Variants in PINX1 observed in about 807,000 individuals in gnomAD.
PINX1 encodes PIN2 (TERF1) interacting telomerase inhibitor 1, also known as PIN2/TERF1-interacting telomerase inhibitor 1.
In PINX1, 34 loss-of-function variants were observed where a neutral mutation model predicts 25.4. The ratio of observed to expected loss-of-function variants is 1.34; its 90% CI spans 1.02 to 1.78. PINX1 has a LOEUF of 1.78. Among genes scored for constraint, PINX1 ranks in the 40% most tolerant of loss-of-function variants. The pLI is 0.00. For synonymous variants in PINX1, 197 were observed against 147.7 expected, an observed-to-expected ratio of 1.33 and a Z score of -2.42; for missense variants, 592 against 404.9, an observed-to-expected ratio of 1.46 and a Z score of -3.97.
intron 5 of PINX1, chr8:10,825,522 G>C (rs1229692600): frequency 1.9e-6 from 1 of 526,562 alleles, no homozygotes; most frequent in East Asian, 5.5e-5. Flanking sequence ...CCTAGTGGCT[G>C]AAGACAACAA....
At chr8:10,793,879 T>C (rs1248179076) in intron 6 of PINX1, among the ~76,000 whole-genome samples, 1 of 152,164 alleles carries the variant, frequency 6.6e-6, no homozygotes, top group Non-Finnish European at 1.5e-5. Context: ...TGTACAGATT[T>C]AACTCAAGAT....
chr8:10,767,555 T>TA (rs898445169), intron 6 of PINX1, among the ~76,000 whole-genome samples: 28 of 152,146 alleles, frequency 1.8e-4, no homozygotes, highest in African/African-American at 6.5e-4. Flanking sequence ...TTGAGAAAAA[T>TA]AAAAAAAATC....
chr8:10,818,255 G>A (rs545836893), intron 6 of PINX1, among the ~76,000 whole-genome samples: 1 of 152,134 alleles, frequency 6.6e-6, no homozygotes, highest in Non-Finnish European at 1.5e-5. Context: ...ACACACACTG[G>A]ACCAAAAGAG....
At chr8:10,787,466 C>T in intron 6 of PINX1, 2 of 177,410 alleles carry the variant, frequency 1.1e-5, no homozygotes, top group Non-Finnish European at 2.4e-5. Context: ...TGGGCTCAAG[C>T]AATCCCGCTT....
chr8:10,839,264 G>A (rs1798497213), intron 1 of PINX1, among the ~76,000 whole-genome samples: 1 of 152,204 alleles, frequency 6.6e-6, no homozygotes, highest in Non-Finnish European at 1.5e-5. Flanking sequence ...AGTGGCTGAC[G>A]TCCCATATTT....
At chr8:10,822,162 A>C (rs1318145053) in intron 5 of PINX1, 2 of 152,244 alleles carry the variant, frequency 1.3e-5, no homozygotes, top group African/African-American at 2.4e-5. Flanking sequence ...GAAGAGTCAG[A>C]GACCAGTGGA....
At position 10,834,690 on chromosome 8, in the gene PINX1, C is replaced by T; in HGVS notation, c.105G>A (p.Glu35=). 6.2e-7 allele frequency: 1 copy of T among 1,613,794 alleles called. No homozygotes were observed. The highest frequency in any genetic ancestry group is 8.5e-7 in the Non-Finnish European group (1 of 1,179,788). Reference sequence around the variant, plus strand: ...CCTTTCCTTTAGACCACCCCATCTTCTCTAGCATCCGCTGGCCAAACTTGG... The same window carrying T: ...CCTTTCCTTTAGACCACCCCATCTTTTCTAGCATCCGCTGGCCAAACTTGG... ...DDSKFGQRML[E]KMGWSKGKGL... The change falls in exon 2 of 7, where the codon GAG becomes GAA. Residue 35 remains glutamate (E), a synonymous_variant. Transcript: ENST00000314787.
At chr8:10,791,778 G>A (rs1007815498) in intron 6 of PINX1, among the ~76,000 whole-genome samples, 2 of 152,150 alleles carry the variant, frequency 1.3e-5, no homozygotes, top group African/African-American at 4.8e-5. Flanking sequence ...CCAGGGTGGT[G>A]GCGGCAACCT....
chr8:10,796,092 G>C (rs17718916), intron 6 of PINX1, among the ~76,000 whole-genome samples: 3,764 of 152,318 alleles, frequency 0.025, 51 homozygotes, highest in Middle Eastern at 0.037. Context: ...GAACCAGTCA[G>C]TTCAAATGAT....
intron 6 of PINX1, among the ~76,000 whole-genome samples, chr8:10,804,415 G>A (rs78580539): frequency 0.013 from 1,996 of 152,254 alleles, 39 homozygotes; most frequent in African/African-American, 0.045. Flanking sequence ...CGGGAGGTCC[G>A]TACCAGGAGC....
chr8:10,807,294 T>G (rs569559091), intron 6 of PINX1, among the ~76,000 whole-genome samples: 1 of 147,596 alleles, frequency 6.8e-6, no homozygotes, highest in Non-Finnish European at 1.5e-5. Context: ...AATAAGAAGG[T>G]TGGAAAATAA....
intron 6 of PINX1, among the ~76,000 whole-genome samples, chr8:10,791,576 C>G (rs10107180): frequency 2.6e-5 from 4 of 152,072 alleles, no homozygotes; most frequent in African/African-American, 9.7e-5. Flanking sequence ...TGTGAAGCTA[C>G]AATTAGAATT....
At chr8:10,816,941 T>C (rs1797716410) in intron 6 of PINX1, among the ~76,000 whole-genome samples, 2 of 152,196 alleles carry the variant, frequency 1.3e-5, no homozygotes, top group South Asian at 4.1e-4. Flanking sequence ...ATGACGGGAT[T>C]GCTGTGAGGA....
chr8:10,771,126 T>C (rs1384737229), intron 6 of PINX1: 2 of 152,244 alleles, frequency 1.3e-5, no homozygotes, highest in Non-Finnish European at 2.9e-5. Flanking sequence ...GAACATTCTG[T>C]ACCTTTTCCA....
intron 6 of PINX1, among the ~76,000 whole-genome samples, chr8:10,817,151 A>C (rs1025878791): frequency 6.6e-6 from 1 of 152,166 alleles, no homozygotes; most frequent in African/African-American, 2.4e-5. Context: ...CAGCATCGGC[A>C]CCTAACTAGA....
chr8:10,785,385 C>T (rs1436838978), intron 6 of PINX1, among the ~76,000 whole-genome samples: 1 of 152,218 alleles, frequency 6.6e-6, no homozygotes, highest in Non-Finnish European at 1.5e-5. Context: ...GATTCTTAGA[C>T]TCCATCCAAT....
At chr8:10,823,903 T>C (rs1797953186) in intron 5 of PINX1, among the ~76,000 whole-genome samples, 1 of 152,212 alleles carries the variant, frequency 6.6e-6, no homozygotes, top group Admixed American at 6.5e-5. Context: ...GCTACTGTAA[T>C]CTTAGTAGAG....
At chr8:10,801,721 C>A (rs990143839) in intron 6 of PINX1, among the ~76,000 whole-genome samples, 3 of 152,204 alleles carry the variant, frequency 2.0e-5, no homozygotes, top group Admixed American at 6.5e-5. Flanking sequence ...TACAGAACTA[C>A]AGCAAACCAC....
chr8:10,830,820 C>G (rs544295009), intron 4 of PINX1, among the ~76,000 whole-genome samples: 10 of 152,262 alleles, frequency 6.6e-5, no homozygotes, highest in Non-Finnish European at 1.5e-4. Flanking sequence ...AAGATAATTA[C>G]TGGTTAGGAT....
Sources: gnomAD v4.1 joint callset for allele counts (sites outside exome capture counted in the v4.1 genomes callset) on GRCh38, gnomAD v4.1.1 for gene constraint, MANE v1.5 for transcripts, NCBI Gene and HGNC (gene_info 2026-07-23, HGNC 2026-07-21) for gene names.